Variants in NCOA1 observed in about 807,000 individuals in gnomAD.
NCOA1 encodes the protein nuclear receptor coactivator 1.
In NCOA1, 35 loss-of-function variants were observed where a neutral mutation model predicts 150.9. The observed-to-expected ratio is 0.23, with a 90% confidence interval of 0.18 to 0.31. The LOEUF (loss-of-function observed/expected upper bound fraction) is 0.31. Ranked by LOEUF, NCOA1 falls within the 10% of genes least tolerant of loss-of-function variation. The pLI is 1.00. For missense variants in NCOA1, 1,491 were observed against 1,749.3 expected, an observed-to-expected ratio of 0.85 and a Z score of 2.63; for synonymous variants, 590 against 630.0, an observed-to-expected ratio of 0.94 and a Z score of 0.95.
chr2:24,608,376 G>A (rs1223497090), intron 3 of NCOA1, among the ~76,000 whole-genome samples: 3 of 150,926 alleles, frequency 2.0e-5, no homozygotes, highest in African/African-American at 7.3e-5. Context: ...CGCCTCCTGG[G>A]TTCAAGCAAT....
At chr2:24,506,046 A>C (rs866269734) in intron 1 of NCOA1, among the ~76,000 whole-genome samples, 2 of 151,812 alleles carry the variant, frequency 1.3e-5, no homozygotes, top group Middle Eastern at 3.4e-3. Flanking sequence ...ATCTAGTTGC[A>C]CTCTGTATTA....
intron 3 of NCOA1, among the ~76,000 whole-genome samples, chr2:24,598,405 G>GA (rs1667969175): frequency 6.6e-6 from 1 of 151,502 alleles, no homozygotes; most frequent in African/African-American, 2.4e-5. Flanking sequence ...GGGCAGAATG[G>GA]AAAAAAAATG....
chr2:24,745,178 T>A (rs1482413161), intron 19 of NCOA1, among the ~76,000 whole-genome samples: 1 of 150,828 alleles, frequency 6.6e-6, no homozygotes, highest in Non-Finnish European at 1.5e-5. Context: ...TTTTTTTTCT[T>A]TGAGACAGAG....
chr2:24,651,438 AAT>A (rs1670708258), intron 4 of NCOA1, among the ~76,000 whole-genome samples: 1 of 152,132 alleles, frequency 6.6e-6, no homozygotes, highest in Non-Finnish European at 1.5e-5. Context: ...TGCTAAGTGA[AAT>A]AAGTCAGACA....
chr2:24,734,648 C>A (rs1663197732), intron 17 of NCOA1, among the ~76,000 whole-genome samples: 1 of 151,774 alleles, frequency 6.6e-6, no homozygotes, highest in Admixed American at 6.6e-5. Context: ...TAAAAAAAAC[C>A]AAAAAACAAA....
In NCOA1 at chr2:24,676,939, T is replaced by G. The variant is rs574974260; in HGVS notation, c.354+3476T>G. Among the ~76,000 whole-genome samples, 44 of 152,214 alleles carry G rather than the reference T, an allele frequency of 2.9e-4. No individual in the cohort carries two copies. In the South Asian group the frequency reaches 7.5e-3, roughly 26 times the overall value. ...ATAAAGAAAAAAGAATAAAAAAGAA[T>G]GAACAAAACCTCTGAGAAATATGTG... On this transcript the variant is annotated intron_variant, in intron 7 of 22. Transcript: ENST00000348332.
intron 2 of NCOA1, among the ~76,000 whole-genome samples, chr2:24,572,258 G>A (rs1666771516): frequency 6.6e-6 from 1 of 152,120 alleles, no homozygotes; most frequent in South Asian, 2.1e-4. Context: ...TAATGTGTTA[G>A]GGTGGTTTAA....
chr2:24,676,474 A>G (rs534506903), intron 7 of NCOA1: 2 of 152,348 alleles, frequency 1.3e-5, no homozygotes, highest in African/African-American at 2.4e-5. Context: ...TATAAAAGCA[A>G]AAAGCTCCAT....
Position 24,729,704 on chromosome 2 carries a change from T to G in NCOA1, c.3090T>G (p.Gly1030=), listed in dbSNP as rs188123222. Residue 1030 remains glycine, a synonymous_variant, in exon 17 of 23, where the codon GGT becomes GGG. Transcript: ENST00000348332. ...CTGTTCAAGTAACACCTCCCCGAGG[T>G]GCTTTTTCACCTGGCATGGGCATGC... ...TMPVQVTPPR[G]AFSPGMGMQP... is the part of the protein sequence containing the mutation. 7.4e-6 allele frequency: 12 copies of G among 1,614,148 alleles called. No individual in the cohort carries two copies. The African/African-American group carries it at 1.5e-4, about 20-fold the overall frequency.
chr2:24,620,691 G>A (rs1033428690), intron 3 of NCOA1, among the ~76,000 whole-genome samples: 2 of 151,728 alleles, frequency 1.3e-5, no homozygotes, highest in Non-Finnish European at 2.9e-5. Flanking sequence ...TCTTATTTTT[G>A]TTGTATGTTT....
chr2:24,557,034 T>G (rs1308045284), intron 1 of NCOA1, among the ~76,000 whole-genome samples: 1 of 150,174 alleles, frequency 6.7e-6, no homozygotes, highest in Non-Finnish European at 1.5e-5. Context: ...CTATCCTGTA[T>G]GTATTGTAGG....
At chr2:24,559,855 CTA>C (rs1424828528) in intron 1 of NCOA1, among the ~76,000 whole-genome samples, 2 of 152,160 alleles carry the variant, frequency 1.3e-5, no homozygotes, top group African/African-American at 4.8e-5. Flanking sequence ...GAGTGTTTGT[CTA>C]TCTGTTCCCC....
chr2:24,569,429 A>C (rs1276818340), intron 2 of NCOA1, among the ~76,000 whole-genome samples: 2 of 152,122 alleles, frequency 1.3e-5, no homozygotes, highest in African/African-American at 4.8e-5. Flanking sequence ...CTTTATATTC[A>C]TGATATCATG....
At chr2:24,728,247 A>G in intron 15 of NCOA1, 61 bp from the exon 16 acceptor site, 1 of 1,467,812 alleles carries the variant, frequency 6.8e-7, no homozygotes, top group Non-Finnish European at 9.2e-7. Flanking sequence ...ATATGTATAT[A>G]AAGATTGAAT....
intron 8 of NCOA1, 135 bp from the exon 9 acceptor site, chr2:24,691,346 A>T: frequency 1.4e-6 from 1 of 699,022 alleles, no homozygotes; most frequent in South Asian, 2.0e-5. Flanking sequence ...GGATAATGTT[A>T]GATCTGAAGA....
intron 18 of NCOA1, among the ~76,000 whole-genome samples, chr2:24,740,319 ATTG>A (rs753466755): frequency 2.6e-5 from 4 of 152,186 alleles, no homozygotes; most frequent in Admixed American, 2.0e-4. Flanking sequence ...CAACTTCATA[ATTG>A]TGCAAAGGTC....
intron 17 of NCOA1, among the ~76,000 whole-genome samples, chr2:24,738,087 T>C (rs937515964): frequency 6.6e-6 from 1 of 152,098 alleles, no homozygotes; most frequent in Non-Finnish European, 1.5e-5. Context: ...CATTTTAACA[T>C]TTATATTATA....
chr2:24,546,818 C>A (rs1665622756), intron 1 of NCOA1, among the ~76,000 whole-genome samples: 1 of 152,242 alleles, frequency 6.6e-6, no homozygotes, highest in Non-Finnish European at 1.5e-5. Flanking sequence ...CTTCACATGT[C>A]TGACACTTTT....
chr2:24,733,793 A>G (rs1360095148), intron 17 of NCOA1, among the ~76,000 whole-genome samples: 3 of 152,202 alleles, frequency 2.0e-5, no homozygotes, highest in Non-Finnish European at 2.9e-5. Context: ...AAGAATCTAT[A>G]GGGAACTTAG....
Sources: gnomAD v4.1 joint callset for allele counts (sites outside exome capture counted in the v4.1 genomes callset) on GRCh38, gnomAD v4.1.1 for gene constraint, MANE v1.5 for transcripts, NCBI Gene and HGNC (gene_info 2026-07-23, HGNC 2026-07-21) for gene names.